Variants in TPRG1 observed in about 807,000 individuals in gnomAD.
TPRG1 encodes tumor protein p63 regulated 1, also known as tumor protein p63-regulated gene 1 protein.
Under a neutral mutation model 29.3 loss-of-function variants are expected in TPRG1, and 29 were observed. The observed-to-expected ratio is 0.99, with a 90% CI of 0.74 to 1.35. The LOEUF is 1.35. TPRG1 is among the 40% of genes most tolerant of loss of function. The pLI, the probability that TPRG1 is intolerant of heterozygous loss-of-function variation, is 0.00. For synonymous variants in TPRG1, 130 were observed against 116.8 expected (o/e 1.11, Z -0.73); for missense variants, 327 against 335.0 (o/e 0.98, Z 0.19).
intron 4 of TPRG1, among the ~76,000 whole-genome samples, chr3:189,035,216 G>A (rs1714183995): frequency 6.6e-6 from 1 of 152,060 alleles, no homozygotes; most frequent in Non-Finnish European, 1.5e-5. Context: ...AATGGTACTG[G>A]GATAACTGGC....
intron 4 of TPRG1, among the ~76,000 whole-genome samples, chr3:189,080,741 A>C (rs954263875): frequency 3.9e-5 from 6 of 152,108 alleles, no homozygotes; most frequent in African/African-American, 1.4e-4. Flanking sequence ...AGGTATATTG[A>C]TGCAGTGTGG....
chr3:189,003,367 TC>T (rs1425686721), intron 2 of TPRG1, among the ~76,000 whole-genome samples: 1 of 152,274 alleles, frequency 6.6e-6, no homozygotes, highest in East Asian at 1.9e-4. Flanking sequence ...TGTCACTGTC[TC>T]CTTAAAATGG....
chr3:189,014,470 T>G (rs1712817000), intron 3 of TPRG1, among the ~76,000 whole-genome samples: 1 of 152,182 alleles, frequency 6.6e-6, no homozygotes, highest in Non-Finnish European at 1.5e-5. Context: ...TTGGTGAATG[T>G]GATGATGATG....
chr3:189,105,347 T>C (rs558031186), intron 1 of TPRG1, among the ~76,000 whole-genome samples: 3 of 152,272 alleles, frequency 2.0e-5, no homozygotes, highest in South Asian at 4.1e-4. Flanking sequence ...AGATGGAATG[T>C]AATCTGTACT....
chr3:189,026,043 A>G lies in TPRG1; in HGVS notation c.-463+2097A>G, dbSNP rs543664872. Among the ~76,000 whole-genome samples the G allele has an allele frequency of 3.3e-5, 5 of 152,332 alleles. No homozygotes were observed. The South Asian group carries it at 6.2e-4, about 19-fold the overall frequency. ...ATTGAACACAAGGTTGAGAATCCCT[A>G]TTCTAAGGAGTGAGGGAGAGTGTAT... On this transcript the variant is annotated intron_variant, in intron 4 of 10. Transcript: ENST00000433971.
chr3:189,248,608 T>C (rs1579026869), intron 4 of TPRG1, among the ~76,000 whole-genome samples: 1 of 151,336 alleles, frequency 6.6e-6, no homozygotes, highest in East Asian at 1.9e-4. Context: ...TTCTTCAGTG[T>C]GGCTTTTTCA....
At chr3:189,170,666 C>T (rs1328898941), upstream of TPRG1, among the ~76,000 whole-genome samples, 4 of 152,152 alleles carry the variant, frequency 2.6e-5, no homozygotes, top group African/African-American at 9.7e-5. Context: ...GGTAGTTGCT[C>T]AGTTAACTAC....
At chr3:189,222,826 C>T (rs955269661) in intron 3 of TPRG1, among the ~76,000 whole-genome samples, 4 of 152,160 alleles carry the variant, frequency 2.6e-5, no homozygotes, top group Admixed American at 1.3e-4. Context: ...GAACTGCCTG[C>T]TGTTTCCCCA....
intron 5 of TPRG1, among the ~76,000 whole-genome samples, chr3:189,165,756 T>C (rs191517975): frequency 1.3e-5 from 2 of 152,250 alleles, no homozygotes; most frequent in East Asian, 3.9e-4. Flanking sequence ...GAGTAAGTTT[T>C]TCCCCTGTGG....
At chr3:189,003,002 A>C (rs1712105472) in intron 2 of TPRG1, among the ~76,000 whole-genome samples, 2 of 152,194 alleles carry the variant, frequency 1.3e-5, no homozygotes, top group African/African-American at 4.8e-5. Flanking sequence ...AGCTATTAAT[A>C]ATTTTAAAAT....
chr3:189,134,820 C>T (rs1055585282), intron 3 of TPRG1, among the ~76,000 whole-genome samples: 3 of 152,180 alleles, frequency 2.0e-5, no homozygotes, highest in Non-Finnish European at 2.9e-5. Flanking sequence ...CTAGTCATGA[C>T]TAGAGCCTTG....
At chr3:189,213,677 T>C (rs184865557) in intron 2 of TPRG1, among the ~76,000 whole-genome samples, 23 of 152,348 alleles carry the variant, frequency 1.5e-4, no homozygotes, top group Non-Finnish European at 2.8e-4. Flanking sequence ...CCAATGTTAA[T>C]AGTTTCTATA....
chr3:189,094,799 G>A (rs1718567146), intron 4 of TPRG1, among the ~76,000 whole-genome samples: 1 of 152,174 alleles, frequency 6.6e-6, no homozygotes, highest in Non-Finnish European at 1.5e-5. Flanking sequence ...GATGGGGGAG[G>A]TGAGAGAACT....
chr3:189,086,134 C>T (rs1266923783), intron 4 of TPRG1, among the ~76,000 whole-genome samples: 1 of 152,108 alleles, frequency 6.6e-6, no homozygotes, highest in Non-Finnish European at 1.5e-5. Context: ...TGGCAAACCA[C>T]TAGTGTAGGT....
intron 1 of TPRG1, among the ~76,000 whole-genome samples, chr3:189,119,925 G>A (rs1201315127): frequency 2.6e-5 from 4 of 152,338 alleles, no homozygotes; most frequent in Admixed American, 1.3e-4. Context: ...AGCCGTGGCA[G>A]ACACAGTGGA....
chr3:189,202,321 C>G (rs1309475678), intron 1 of TPRG1, among the ~76,000 whole-genome samples: 3 of 152,084 alleles, frequency 2.0e-5, no homozygotes, highest in Admixed American at 2.0e-4. Context: ...CGGGGGTAGG[C>G]TAGCTCTGAC....
chr3:189,306,130 T>A (rs1303616832), intron 4 of TPRG1, among the ~76,000 whole-genome samples: 1 of 152,170 alleles, frequency 6.6e-6, no homozygotes, highest in African/African-American at 2.4e-5. Flanking sequence ...CTTATTCCTT[T>A]CTCTATACCC....
chr3:189,046,149 A>G (rs1349374625), intron 4 of TPRG1, among the ~76,000 whole-genome samples: 4 of 152,200 alleles, frequency 2.6e-5, no homozygotes, highest in Non-Finnish European at 5.9e-5. Flanking sequence ...AAACCAAGGA[A>G]AAACCCAATC....
intron 4 of TPRG1, among the ~76,000 whole-genome samples, chr3:189,038,371 A>G (rs1425294917): frequency 6.6e-6 from 1 of 152,088 alleles, no homozygotes; most frequent in African/African-American, 2.4e-5. Flanking sequence ...GTCTTCATAT[A>G]TAATCAATTG....
Sources: gnomAD v4.1 joint callset for allele counts (sites outside exome capture counted in the v4.1 genomes callset) on GRCh38, gnomAD v4.1.1 for gene constraint, MANE v1.5 for transcripts, NCBI Gene and HGNC (gene_info 2026-07-23, HGNC 2026-07-21) for gene names.